Variants in EIF4ENIF1 observed in about 807,000 individuals in gnomAD.
EIF4ENIF1 encodes the protein eukaryotic translation initiation factor 4E transporter.
Under a neutral mutation model 110.5 loss-of-function variants are expected in EIF4ENIF1, and 23 were observed. The observed-to-expected ratio is 0.21, with a 90% CI of 0.15 to 0.29. The LOEUF (loss-of-function observed/expected upper bound fraction) is 0.29. Ranked by LOEUF, EIF4ENIF1 falls within the 10% of genes least tolerant of loss-of-function variation. EIF4ENIF1 has a pLI of 1.00. For missense variants in EIF4ENIF1, 1,031 were observed against 1,221.1 expected (o/e 0.84, Z 2.32); for synonymous variants, 440 against 437.0 (o/e 1.01, Z -0.09).
At chr22:31,490,426 T>C (rs897737248), upstream of EIF4ENIF1, among the ~76,000 whole-genome samples, 4 of 152,168 alleles carry the variant, frequency 2.6e-5, no homozygotes, top group African/African-American at 9.7e-5. Context: ...TAAGTTTCGG[T>C]CGTGTTTCTA....
rs369504330 is a variant in EIF4ENIF1 at position 31,458,241 on chromosome 22, C to A, written c.963+234G>T. On this transcript the variant is annotated intron_variant, in intron 7 of 18. Transcript: ENST00000330125. Reference sequence around the variant, plus strand: ...AGATTCCAACTCAAAAAAAAAAAAACAACAAAAAAAGAATTTTTAGTCTAA... The same window carrying A: ...AGATTCCAACTCAAAAAAAAAAAAAAAACAAAAAAAGAATTTTTAGTCTAA... Among the ~76,000 whole-genome samples, 243 of 142,716 alleles carry A rather than the reference C, an allele frequency of 1.7e-3. 2 individuals are homozygous for A. The highest frequency in any genetic ancestry group is 4.9e-3 in the African/African-American group (196 of 39,610). The allele number at this position is 142,716 out of a possible 152,430, so 93.6% of individuals were successfully genotyped here.
Position 31,464,699 on chromosome 22 carries a change from AAT to A in EIF4ENIF1, c.299-734_299-733del, listed in dbSNP as rs1230573468. Among the ~76,000 whole-genome samples the A allele has an allele frequency of 4.5e-3, 176 of 39,080 alleles. 5 individuals carry two copies. The highest frequency in any genetic ancestry group is 7.7e-3 in the South Asian group (9 of 1,166). 25.6% of individuals were successfully genotyped at this position (39,080 alleles called of 152,430 possible). ...TCAAAAAAAAAAAAAAAAAAAAAAA[AAT>A]ATATATATATATATATATATATATA... On this transcript the variant is annotated intron_variant, in intron 4 of 18. Transcript: ENST00000330125.
At chr22:31,483,209 C>CTTTTTTTT (rs60986284) in intron 2 of EIF4ENIF1, among the ~76,000 whole-genome samples, 1 of 89,468 alleles carries the variant, frequency 1.1e-5, no homozygotes, top group Non-Finnish European at 2.2e-5. Context: ...AGGAGACGAT[C>CTTTTTTTT]TTTTTTTTTT....
intron 2 of EIF4ENIF1, among the ~76,000 whole-genome samples, chr22:31,486,489 T>C (rs1203217845): frequency 3.3e-5 from 5 of 150,018 alleles, no homozygotes; most frequent in African/African-American, 7.3e-5. Context: ...CAAAAAGTAC[T>C]GGAAGGGGGC....
At chr22:31,459,341 G>GTA (rs768702668) in intron 6 of EIF4ENIF1, among the ~76,000 whole-genome samples, 33 of 152,056 alleles carry the variant, frequency 2.2e-4, no homozygotes, top group Non-Finnish European at 2.8e-4. Context: ...CCATGCACCT[G>GTA]TAGCACCACT....
intron 2 of EIF4ENIF1, among the ~76,000 whole-genome samples, chr22:31,482,597 G>T (rs1476140356): frequency 1.3e-5 from 2 of 151,810 alleles, no homozygotes; most frequent in African/African-American, 4.8e-5. Flanking sequence ...CAGGAGAATT[G>T]CTTGAACCTG....
intron 2 of EIF4ENIF1, among the ~76,000 whole-genome samples, chr22:31,487,022 G>A (rs974511461): frequency 9.9e-5 from 15 of 151,884 alleles, no homozygotes; most frequent in Admixed American, 9.8e-4. Context: ...GGAGGCAGAG[G>A]TGGTGCCATT....
At chr22:31,465,816 T>G (rs546531719) in intron 4 of EIF4ENIF1, among the ~76,000 whole-genome samples, 1 of 152,186 alleles carries the variant, frequency 6.6e-6, no homozygotes, top group South Asian at 2.1e-4. Flanking sequence ...ATCCATACAA[T>G]GGAATACTAT....
intron 4 of EIF4ENIF1, 24 bp from the exon 5 acceptor site, chr22:31,463,991 A>G (rs995472171): frequency 1.9e-6 from 3 of 1,597,614 alleles, no homozygotes; most frequent in Middle Eastern, 3.4e-4. Flanking sequence ...GGAAAGACAA[A>G]GTTAAACAAA....
At chr22:31,461,060 T>C (rs2050977227) in intron 6 of EIF4ENIF1, among the ~76,000 whole-genome samples, 1 of 152,218 alleles carries the variant, frequency 6.6e-6, no homozygotes, top group South Asian at 2.1e-4. Context: ...ATTTACTGAG[T>C]GCCTTCTTGG....
intron 4 of EIF4ENIF1, 107 bp downstream of exon 4, chr22:31,468,068 G>T: frequency 1.4e-6 from 2 of 1,474,010 alleles, no homozygotes; most frequent in South Asian, 1.4e-5. Flanking sequence ...TCCTGATAAT[G>T]ACATTTCCCC....
At chr22:31,492,250 G>T (rs1364054794), upstream of EIF4ENIF1, among the ~76,000 whole-genome samples, 1 of 152,210 alleles carries the variant, frequency 6.6e-6, no homozygotes, top group African/African-American at 2.4e-5. Context: ...CCTGGAATCA[G>T]TTCTACCACG....
chr22:31,454,468 T>C, intron 9 of EIF4ENIF1, 92 bp from the exon 10 acceptor site: 2 of 1,091,758 alleles, frequency 1.8e-6, no homozygotes, highest in Non-Finnish European at 2.6e-6. Context: ...ATGAAAATAA[T>C]TTATTTCAAA....
At chr22:31,462,823 T>C (rs1303743575) in intron 6 of EIF4ENIF1, 109 bp downstream of exon 6, 1 of 1,126,074 alleles carries the variant, frequency 8.9e-7, no homozygotes, top group East Asian at 2.5e-5. Context: ...CCTCAGGTGA[T>C]CCGCCCACCT....
chr22:31,473,350 T>G (rs1488849884), intron 2 of EIF4ENIF1, among the ~76,000 whole-genome samples: 1 of 151,960 alleles, frequency 6.6e-6, no homozygotes, highest in South Asian at 2.1e-4. Flanking sequence ...GAACTGCCAG[T>G]TTTTTTTATA....
At chr22:31,470,101 T>C (rs533013608) in intron 3 of EIF4ENIF1, among the ~76,000 whole-genome samples, 51 of 147,102 alleles carry the variant, frequency 3.5e-4, no homozygotes, top group Non-Finnish European at 6.3e-4. Context: ...GAGGGGAAGG[T>C]TGTGGTGAGC....
In EIF4ENIF1 at chr22:31,439,641, AG is replaced by A; in HGVS notation, c.*238del. The stretch of plus-strand genomic sequence containing the variant: ...ACTTCATTCACATATCTTACAAAAA[AG>A]AAAGACCATTTCCAGGATTGACAAC... On this transcript the variant is annotated 3_prime_UTR_variant, in exon 19 of 19. Transcript: ENST00000330125. The A allele has an allele frequency of 1.8e-6, 1 of 567,522 alleles. No individual in the cohort carries two copies. Among genetic ancestry groups the A allele is most frequent in the African/African-American group, 1.9e-5 (1 of 52,958 alleles). 35.2% of individuals were successfully genotyped at this position (567,522 alleles called of 1,614,324 possible).
Position 31,456,066 on chromosome 22 carries a change from T to C in EIF4ENIF1, c.964-79A>G, listed in dbSNP as rs926066394. 278 of 1,464,420 alleles carry C rather than the reference T, an allele frequency of 1.9e-4. No individual in the cohort carries two copies. The African/African-American group carries it at 3.8e-3, about 20-fold the overall frequency. 90.7% of individuals were successfully genotyped at this position (1,464,420 alleles called of 1,614,324 possible). On this transcript the variant is annotated intron_variant, in intron 7 of 18. Coordinates refer to ENST00000330125, the MANE Select transcript of EIF4ENIF1 (RefSeq NM_019843.4). ...GGTTTAAATCTTATGAAAGGGTCAC[T>C]TACTTTGAAACTTCCTTTCATGCTC...
rs1402149549 is a variant in EIF4ENIF1, at chr22:31,443,006, G to A, written c.2162C>T (p.Ala721Val). 4 of 1,614,128 alleles carry A rather than the reference G, an allele frequency of 2.5e-6. No individual in the cohort carries two copies. The highest frequency in any genetic ancestry group is 2.2e-5 in the South Asian group (2 of 91,072). Residue 721 changes from alanine to valine, a missense_variant, in exon 16 of 19, where the codon GCA (alanine) becomes GTA (valine). This residue lies in a region of EIF4ENIF1 where 309 missense variants were observed against 299.1 expected (regional missense o/e 1.03). Transcript: ENST00000330125. ...ATCCTCTTTACTGTCACCAAGAGCTGCTTTTCCAGATGCTGGCTCCTCCTT... is the reference window on the plus strand; with the variant it reads ...ATCCTCTTTACTGTCACCAAGAGCTACTTTTCCAGATGCTGGCTCCTCCTT... Reference protein sequence around the residue: ...KSKEEPASGKAALGDSKEDTQ... With the variant: ...KSKEEPASGKVALGDSKEDTQ...
Sources: gnomAD v4.1 joint callset for allele counts (sites outside exome capture counted in the v4.1 genomes callset) on GRCh38, gnomAD v4.1.1 for gene constraint, gnomAD v4.1.1 regional missense constraint, MANE v1.5 for transcripts, NCBI Gene and HGNC (gene_info 2026-07-23, HGNC 2026-07-21) for gene names.